The following CNTN3 variants were observed in gnomAD, a reference collection of about 807,000 sequenced individuals.
CNTN3 encodes contactin 3.
A neutral mutation model predicts 119.1 loss-of-function variants in CNTN3; 60 were observed. That is an observed-to-expected ratio of 0.50 (90% CI 0.41 to 0.62). The LOEUF is 0.62. Ranked by LOEUF, CNTN3 falls within the 20% of genes least tolerant of loss-of-function variation. CNTN3 has a pLI of 0.00. For missense variants in CNTN3, 1,101 were observed against 1,242.4 expected, an observed-to-expected ratio of 0.89 and a Z score of 1.71; for synonymous variants, 450 against 438.7, an observed-to-expected ratio of 1.03 and a Z score of -0.32.
At chr3:74,272,176 G>A (rs1003154668) in intron 20 of CNTN3, among the ~76,000 whole-genome samples, 3 of 152,058 alleles carry the variant, frequency 2.0e-5, no homozygotes, top group Non-Finnish European at 2.9e-5. Context: ...GATAGCTGAT[G>A]AGCTTTAAAA....
chr3:74,463,858 T>C (rs1404572747), intron 4 of CNTN3, among the ~76,000 whole-genome samples: 1 of 152,190 alleles, frequency 6.6e-6, no homozygotes, highest in Non-Finnish European at 1.5e-5. Flanking sequence ...TACACAATTG[T>C]TGAATTTAAA....
chr3:74,297,384 G>GAAAAA (rs72102148), intron 18 of CNTN3, among the ~76,000 whole-genome samples: 1 of 145,200 alleles, frequency 6.9e-6, no homozygotes, highest in African/African-American at 2.5e-5. Context: ...ATGCCCAGAA[G>GAAAAA]AAAAAAAAAA....
intron 1 of CNTN3, among the ~76,000 whole-genome samples, chr3:74,596,752 C>T (rs1308345756): frequency 6.6e-6 from 1 of 151,914 alleles, no homozygotes; most frequent in Non-Finnish European, 1.5e-5. Flanking sequence ...ATCAGTGGGC[C>T]TCTCCCCTAC....
intron 4 of CNTN3, among the ~76,000 whole-genome samples, chr3:74,461,207 A>C (rs1447611910): frequency 6.6e-6 from 1 of 151,946 alleles, no homozygotes; most frequent in Non-Finnish European, 1.5e-5. Context: ...CTATTTGAAC[A>C]ATTTGGTCAT....
At chr3:74,404,840 G>T (rs1226192181) in intron 5 of CNTN3, among the ~76,000 whole-genome samples, 1 of 151,860 alleles carries the variant, frequency 6.6e-6, no homozygotes, top group African/African-American at 2.4e-5. Context: ...GGATTATTGT[G>T]ATTTTTTCAT....
chr3:74,360,378 G>A (rs539242224), intron 11 of CNTN3, among the ~76,000 whole-genome samples: 1 of 152,206 alleles, frequency 6.6e-6, no homozygotes, highest in Non-Finnish European at 1.5e-5. Flanking sequence ...AAAGCTTAGT[G>A]GTTATATCCT....
chr3:74,601,528 A>C (rs73839607), intron 1 of CNTN3, among the ~76,000 whole-genome samples: 2,573 of 152,264 alleles, frequency 0.017, 71 homozygotes, highest in African/African-American at 0.058. Flanking sequence ...ATAAGCAATA[A>C]AGTGACAGTT....
At chr3:74,322,837 T>C (rs766920681) in intron 13 of CNTN3, among the ~76,000 whole-genome samples, 1 of 152,064 alleles carries the variant, frequency 6.6e-6, no homozygotes, top group African/African-American at 2.4e-5. Flanking sequence ...TATCAAGCCA[T>C]GAAAAGACAT....
chr3:74,358,384 C>T (rs1249523971), intron 11 of CNTN3, among the ~76,000 whole-genome samples: 1 of 151,468 alleles, frequency 6.6e-6, no homozygotes, highest in Admixed American at 6.6e-5. Flanking sequence ...AATTATTTTC[C>T]TCTCTCTCCT....
intron 5 of CNTN3, among the ~76,000 whole-genome samples, chr3:74,383,034 T>C (rs573693346): frequency 6.6e-6 from 1 of 152,336 alleles, no homozygotes; most frequent in East Asian, 1.9e-4. Context: ...CCTGAAGAAA[T>C]AGCTGATTCA....
chr3:74,412,881 T>C (rs1361484935), intron 5 of CNTN3, among the ~76,000 whole-genome samples: 1 of 152,172 alleles, frequency 6.6e-6, no homozygotes, highest in Non-Finnish European at 1.5e-5. Context: ...GTTTTCTTTA[T>C]AGTAGAGTTG....
At chr3:74,308,039 C>T (rs998821020) in intron 13 of CNTN3, among the ~76,000 whole-genome samples, 1 of 152,112 alleles carries the variant, frequency 6.6e-6, no homozygotes, top group African/African-American at 2.4e-5. Context: ...CTCCAGGTGC[C>T]TTGAAAACAG....
intron 4 of CNTN3, among the ~76,000 whole-genome samples, chr3:74,459,261 C>T (rs908645730): frequency 1.3e-5 from 2 of 151,986 alleles, no homozygotes; most frequent in African/African-American, 4.8e-5. Context: ...CCTTCACTCA[C>T]TCTTCCTCAT....
chr3:74,608,049 A>G (rs1237638687), intron 1 of CNTN3, among the ~76,000 whole-genome samples: 5 of 152,222 alleles, frequency 3.3e-5, no homozygotes, highest in African/African-American at 1.2e-4. Flanking sequence ...TGAAGATTAT[A>G]CAGAACTCTT....
intron 13 of CNTN3, among the ~76,000 whole-genome samples, chr3:74,316,820 C>T (rs112651652): frequency 2.0e-5 from 3 of 151,342 alleles, no homozygotes; most frequent in African/African-American, 4.9e-5. Flanking sequence ...CCCAGCTACT[C>T]GGGAGGCTGA....
At chr3:74,446,204 T>C (rs2106937638) in intron 4 of CNTN3, among the ~76,000 whole-genome samples, 1 of 152,298 alleles carries the variant, frequency 6.6e-6, no homozygotes, top group South Asian at 2.1e-4. Context: ...AAGATGGTAG[T>C]AATACGTACC....
intron 1 of CNTN3, among the ~76,000 whole-genome samples, chr3:74,536,954 C>A (rs1026394732): frequency 6.6e-6 from 1 of 151,118 alleles, no homozygotes; most frequent in South Asian, 2.1e-4. Context: ...GGCTACTTCT[C>A]CGTTTTAGAC....
chr3:74,392,472 G>T (rs1334311029), intron 5 of CNTN3, among the ~76,000 whole-genome samples: 4 of 151,776 alleles, frequency 2.6e-5, no homozygotes, highest in African/African-American at 4.8e-5. Flanking sequence ...AATCGCTAAG[G>T]CTTTAGAACA....
At chr3:74,508,925 T>C (rs1211455098) in intron 2 of CNTN3, among the ~76,000 whole-genome samples, 1 of 152,128 alleles carries the variant, frequency 6.6e-6, no homozygotes, top group Non-Finnish European at 1.5e-5. Flanking sequence ...TAAGAAAAAG[T>C]ATAAGCATCT....
Sources: gnomAD v4.1 joint callset for allele counts (sites outside exome capture counted in the v4.1 genomes callset) on GRCh38, gnomAD v4.1.1 for gene constraint, MANE v1.5 for transcripts, NCBI Gene and HGNC (gene_info 2026-07-23, HGNC 2026-07-21) for gene names.